Variants in FLOT2 observed in about 807,000 individuals in gnomAD.
The protein encoded by FLOT2 is flotillin 2, also known as flotillin-2.
A neutral mutation model predicts 54.9 loss-of-function variants in FLOT2; 35 were observed. The observed-to-expected ratio is 0.64, with a 90% CI of 0.49 to 0.84. FLOT2 has a LOEUF of 0.84. Ranked by LOEUF, FLOT2 falls within the 40% of genes least tolerant of loss-of-function variation. The pLI, the probability that FLOT2 is intolerant of heterozygous loss-of-function variation, is 0.00. For synonymous variants in FLOT2, 207 were observed against 228.9 expected (o/e 0.90, Z 0.86); for missense variants, 464 against 572.1 (o/e 0.81, Z 1.93).
At chr17:28,896,548 G>A (rs2039743930) in intron 1 of FLOT2, among the ~76,000 whole-genome samples, 1 of 152,186 alleles carries the variant, frequency 6.6e-6, no homozygotes. Flanking sequence ...AAGTGAGCCT[G>A]AAGCCATGTT....
At position 28,884,987 on chromosome 17, in the gene FLOT2, A is replaced by G. The variant is rs1038102951; in HGVS notation, c.132-672T>C. On this transcript the variant is annotated intron_variant, in intron 2 of 10. Coordinates refer to ENST00000394908, the MANE Select transcript of FLOT2 (RefSeq NM_004475.3). This position sits in a 1 kb window ranked among gnomAD's most constrained non-coding sequence, Gnocchi z 5.1. ...TCACACTAGAGCTTCTTGGCCAAGGAGTGTTAACCCTGGAAAGAGTTGTTC... is the reference window on the plus strand; with the variant it reads ...TCACACTAGAGCTTCTTGGCCAAGGGGTGTTAACCCTGGAAAGAGTTGTTC... 1.3e-5 allele frequency among the ~76,000 whole-genome samples: 2 copies of G among 152,196 alleles called. No individual in the cohort carries two copies. The highest frequency in any genetic ancestry group is 4.8e-5 in the African/African-American group (2 of 41,444).
At chr17:28,881,005 G>T in intron 9 of FLOT2, 143 bp from the exon 10 acceptor site, 1 of 1,178,462 alleles carries the variant, frequency 8.5e-7, no homozygotes, top group Non-Finnish European at 1.2e-6. Context: ...GGTAAGAGAC[G>T]CCCTGTGGGC....
In FLOT2 at chr17:28,881,877, G is replaced by A. The variant is rs1342891437; in HGVS notation, c.851C>T (p.Ala284Val). ...EILRTDKELI[A>V]TVRRPAEAEA... Reference sequence around the variant, plus strand: ...GGCCTCGGCAGGCCGGCGCACTGTAGCGATGAGCTCCTTGTCCGTACGCAG... The same window carrying A: ...GGCCTCGGCAGGCCGGCGCACTGTAACGATGAGCTCCTTGTCCGTACGCAG... The change falls in exon 8 of 11, where the codon GCT (alanine) becomes GTT (valine). Residue 284 changes from alanine (A) to valine (V), a missense_variant. Ala to Val is a moderately conservative substitution (Grantham distance 64, BLOSUM62 0). Transcript: ENST00000394908. The A allele has an allele frequency of 6.2e-7, 1 of 1,613,650 alleles. No individual in the cohort carries two copies.
intron 1 of FLOT2, among the ~76,000 whole-genome samples, chr17:28,890,987 C>T (rs1413915366): frequency 6.6e-6 from 1 of 151,568 alleles, no homozygotes; most frequent in East Asian, 1.9e-4. Context: ...CTCAATCCAT[C>T]CTCCCACCTT....
chr17:28,897,673 G>A lies in FLOT2; in HGVS notation c.-99C>T. 9.1e-7 allele frequency: 1 copy of A among 1,098,996 alleles called. No individual in the cohort carries two copies. The highest frequency in any genetic ancestry group is 1.6e-5 in the African/African-American group (1 of 60,954). 68.1% of individuals were successfully genotyped at this position (1,098,996 alleles called of 1,614,324 possible). On this transcript the variant is annotated 5_prime_UTR_variant, in exon 1 of 11. Transcript: ENST00000394908. This position sits in a 1 kb window ranked among gnomAD's most constrained non-coding sequence, Gnocchi z 4.4. The stretch of plus-strand genomic sequence containing the variant: ...CGCCCAGCCTATCCCGCCACCCCCA[G>A]CGGCCGGCCGCCCGCTCGCTCGCCC...
At position 28,884,348 on chromosome 17, in the gene FLOT2, T is replaced by TG. The variant is rs1490562831; in HGVS notation, c.132-34dup. ...GAAACGCAAAACAGGGGCATGGGTC[T>TG]GGGGGCGCAGGGCCTGGTGGTGTTG... On this transcript the variant is annotated intron_variant, in intron 2 of 10. Coordinates refer to ENST00000394908, the MANE Select transcript of FLOT2 (RefSeq NM_004475.3). This position sits in a 1 kb window ranked among gnomAD's most constrained non-coding sequence, Gnocchi z 5.1. The TG allele has an allele frequency of 6.8e-7, 1 of 1,461,724 alleles. No individual in the cohort carries two copies. The highest frequency in any genetic ancestry group is 2.3e-5 in the East Asian group (1 of 43,954). 90.5% of individuals were successfully genotyped at this position (1,461,724 alleles called of 1,614,324 possible).
Position 28,883,200 on chromosome 17 carries a change from G to T in FLOT2, c.254C>A (p.Ala85Asp). The T allele has an allele frequency of 6.2e-7, 1 of 1,614,038 alleles. No individual in the cohort carries two copies. The highest frequency in any genetic ancestry group is 8.5e-7 in the Non-Finnish European group (1 of 1,179,992). Reference sequence around the variant, plus strand: ...ACCCAGAAACTGCTCACAAGCCACGGCCAGGAGTTCCTTCTCCGTCATGAT... The same window carrying T: ...ACCCAGAAACTGCTCACAAGCCACGTCCAGGAGTTCCTTCTCCGTCATGAT... The part of the protein sequence containing the change: ...VKIMTEKELL[A>D]VACEQFLGKN... Residue 85 changes from alanine (A) to aspartate (D), a missense_variant, in exon 4 of 11, where the codon GCC becomes GAC. By Grantham distance (126) the Ala-to-Asp change is moderately radical (BLOSUM62 -2). Coordinates refer to ENST00000394908, the MANE Select transcript of FLOT2 (RefSeq NM_004475.3). This position sits in a 1 kb window ranked among gnomAD's most constrained non-coding sequence, Gnocchi z 5.0.
chr17:28,892,052 A>G (rs1285391982), intron 1 of FLOT2, among the ~76,000 whole-genome samples: 1 of 152,148 alleles, frequency 6.6e-6, no homozygotes, highest in Non-Finnish European at 1.5e-5. Context: ...TCTGGGGTAG[A>G]ACTACCTGTT....
At chr17:28,885,939 A>T in intron 2 of FLOT2, 1 of 1,549,462 alleles carries the variant, frequency 6.5e-7, no homozygotes, top group Non-Finnish European at 8.7e-7. Flanking sequence ...CATAACCTCC[A>T]GAGACAGTCT....
chr17:28,880,569 G>C lies in FLOT2; in HGVS notation c.1279C>G (p.Gln427Glu). The C allele has an allele frequency of 6.2e-7, 1 of 1,613,938 alleles. No individual in the cohort carries two copies. The highest frequency in any genetic ancestry group is 8.5e-7 in the Non-Finnish European group (1 of 1,179,924). The part of the protein sequence containing the change: ...IPLIKKATGV[Q>E]V ...GTGGGCCTGCAGGAGCCTCACACCT[G>C]CACACCAGTGGCCTTCTTGATCAGG... The change falls in exon 11 of 11, where the codon CAG (glutamine) becomes GAG (glutamate). Residue 427 changes from glutamine (Q) to glutamate (E), a missense_variant. Coordinates refer to ENST00000394908, the MANE Select transcript of FLOT2 (RefSeq NM_004475.3).
At chr17:28,885,350 T>C (rs757840849) in intron 2 of FLOT2, among the ~76,000 whole-genome samples, 8 of 152,218 alleles carry the variant, frequency 5.3e-5, no homozygotes, top group Middle Eastern at 6.8e-3. Context: ...GTGAGAAAGA[T>C]GTGGTTCAGG....
rs11300363 is a variant in FLOT2, at chr17:28,893,411, CTT to C, written c.49+4113_49+4114del. 104 of 136,176 alleles carry C rather than the reference CTT, an allele frequency of 7.6e-4. 3 individuals are homozygous for C. The highest frequency in any genetic ancestry group is 1.4e-3 in the African/African-American group (54 of 37,508). The allele number at this position is 136,176 out of a possible 1,614,324, so 8.4% of individuals were successfully genotyped here. A position where few individuals can be genotyped will look rare whatever the true frequency, so the allele number is the denominator to read the frequency against. On this transcript the variant is annotated intron_variant, in intron 1 of 10. Transcript: ENST00000394908. ...GCCCTTCCTGGCCTTCCTCCACCTTCTTTTTTTTTTTTTTTTTTTGAGACAGT... is the reference window on the plus strand; with the variant it reads ...GCCCTTCCTGGCCTTCCTCCACCTTCTTTTTTTTTTTTTTTTTGAGACAGT...
chr17:28,894,265 T>C (rs568445305), intron 1 of FLOT2, among the ~76,000 whole-genome samples: 16 of 152,236 alleles, frequency 1.1e-4, no homozygotes, highest in Non-Finnish European at 1.8e-4. Flanking sequence ...GGTGGGAGGA[T>C]TGCTTGAGCC....
In FLOT2 at chr17:28,882,864, G is replaced by A; in HGVS notation, c.347-173C>T. ...CCGAGCTTCCTGCTGCACAGTCCAG[G>A]CTGAATGAGGAAAAGTGTCCCAAGC... On this transcript the variant is annotated intron_variant, in intron 4 of 10. Transcript: ENST00000394908. The surrounding 1 kb of genome is among the most constrained non-coding windows in gnomAD (Gnocchi z 5.6). The A allele has an allele frequency of 1.6e-6, 1 of 640,730 alleles. No individual in the cohort carries two copies. 39.7% of individuals were successfully genotyped at this position (640,730 alleles called of 1,614,324 possible). A position where few individuals can be genotyped will look rare whatever the true frequency, so the allele number is the denominator to read the frequency against.
chr17:28,883,539 C>T lies in FLOT2; in HGVS notation c.223-308G>A, dbSNP rs1353322981. ...CACCAGCTAATTCCTCCCTTGCAGG[C>T]TTCCTACACGTGGGAGACCCTCAGG... is the stretch of plus-strand genomic sequence containing the variant. On this transcript the variant is annotated intron_variant, in intron 3 of 10. Transcript: ENST00000394908. This position sits in a 1 kb window ranked among gnomAD's most constrained non-coding sequence, Gnocchi z 5.0. 6.6e-6 allele frequency among the ~76,000 whole-genome samples: 1 copy of T among 152,004 alleles called. No homozygotes were observed. The highest frequency in any genetic ancestry group is 2.4e-5 in the African/African-American group (1 of 41,382).
At position 28,882,167 on chromosome 17, in the gene FLOT2, C is replaced by T. The variant is rs751775843; in HGVS notation, c.650G>A (p.Arg217Gln). The T allele has an allele frequency of 1.2e-6, 2 of 1,614,186 alleles. No individual in the cohort carries two copies. Among genetic ancestry groups the T allele is most frequent in the Non-Finnish European group, 1.7e-6 (2 of 1,180,050 alleles). ...MADTKIADSK[R>Q]AFELQKSAFS... ...GGCTGACTTTTGCAGCTCGAAGGCT[C>T]GCTTAGAGTCAGCAATCTTGGTGTC... Residue 217 changes from arginine to glutamine, a missense_variant, in exon 7 of 11, where the codon CGA becomes CAA. Coordinates refer to ENST00000394908, the MANE Select transcript of FLOT2 (RefSeq NM_004475.3). The surrounding 1 kb of genome is among the most constrained non-coding windows in gnomAD (Gnocchi z 5.6).
In FLOT2 at chr17:28,881,865, C is replaced by A; in HGVS notation, c.863G>T (p.Arg288Leu). 1 of 1,613,580 alleles carries A rather than the reference C, an allele frequency of 6.2e-7. No individual in the cohort carries two copies. The highest frequency in any genetic ancestry group is 1.1e-5 in the South Asian group (1 of 91,090). ...TDKELIATVR[R>L]PAEAEAHRIQ... The stretch of plus-strand genomic sequence containing the variant: ...GCGGTGGGCCTCGGCCTCGGCAGGC[C>A]GGCGCACTGTAGCGATGAGCTCCTT... The change falls in exon 8 of 11, where the codon CGG (arginine) becomes CTG (leucine). Residue 288 changes from arginine to leucine, a missense_variant. By Grantham distance (102) the Arg-to-Leu change is moderately radical. Coordinates refer to ENST00000394908, the MANE Select transcript of FLOT2 (RefSeq NM_004475.3).
At chr17:28,886,748 GAA>G (rs1223944709) in intron 2 of FLOT2, among the ~76,000 whole-genome samples, 1 of 152,198 alleles carries the variant, frequency 6.6e-6, no homozygotes, top group Non-Finnish European at 1.5e-5. Flanking sequence ...TCAGAGGAAG[GAA>G]GAGAGGACAG....
Position 28,884,000 on chromosome 17 carries a change from G to A in FLOT2, c.222+225C>T, listed in dbSNP as rs539632368. ...CACTGGTTCTGTCCCTCGTGGGCCC[G>A]CTGAGGAGAGAAGGGGTGTCTGTTA... is the stretch of plus-strand genomic sequence containing the variant. On this transcript the variant is annotated intron_variant, in intron 3 of 10. Transcript: ENST00000394908. This position sits in a 1 kb window ranked among gnomAD's most constrained non-coding sequence, Gnocchi z 5.0. 3.3e-5 allele frequency among the ~76,000 whole-genome samples: 5 copies of A among 152,350 alleles called. No individual in the cohort carries two copies. Among genetic ancestry groups the A allele is most frequent in the South Asian group, 2.1e-4 (1 of 4,828 alleles).
Sources: allele counts gnomAD v4.1 joint callset (sites outside exome capture counted in the v4.1 genomes callset), GRCh38; gene constraint gnomAD v4.1.1; non-coding constraint Gnocchi (gnomAD v3.1); transcripts MANE v1.5; gene names NCBI Gene and HGNC (gene_info 2026-07-23, HGNC 2026-07-21).